The following CDK13 variants were observed in gnomAD, a reference collection of about 807,000 sequenced individuals.
The protein encoded by CDK13 is cyclin-dependent kinase 13.
In CDK13, 40 loss-of-function variants were observed where a neutral mutation model predicts 137.6. The observed-to-expected ratio is 0.29, with a 90% confidence interval of 0.23 to 0.38. The LOEUF (loss-of-function observed/expected upper bound fraction) is 0.38, where lower values mean the gene tolerates loss of function less well. Among genes scored for constraint, CDK13 ranks in the 10% least tolerant of loss-of-function variants. The pLI, the probability that CDK13 is intolerant of heterozygous loss-of-function variation, is 1.00. For synonymous variants in CDK13, 869 were observed against 760.1 expected, an observed-to-expected ratio of 1.14 and a Z score of -2.36; for missense variants, 1,704 against 1,951.8, an observed-to-expected ratio of 0.87 and a Z score of 2.39.
At chr7:40,067,438 G>C (rs1241507232) in intron 9 of CDK13, 2 of 152,420 alleles carry the variant, frequency 1.3e-5, no homozygotes, top group Non-Finnish European at 2.9e-5. Flanking sequence ...CAGCTCCTTG[G>C]GAGGCTGAGG....
chr7:40,029,988 G>T (rs1205047506), intron 5 of CDK13, among the ~76,000 whole-genome samples: 1 of 152,112 alleles, frequency 6.6e-6, no homozygotes, highest in African/African-American at 2.4e-5. Flanking sequence ...AGTGGATAAG[G>T]ACACTCAGGG....
At chr7:39,965,238 A>T (rs1198367099) in intron 1 of CDK13, among the ~76,000 whole-genome samples, 1 of 152,116 alleles carries the variant, frequency 6.6e-6, no homozygotes, top group Non-Finnish European at 1.5e-5. Context: ...AAAGTCTCCC[A>T]TTATTTTTGT....
chr7:40,022,703 A>T (rs953729424), intron 5 of CDK13, among the ~76,000 whole-genome samples: 1 of 151,192 alleles, frequency 6.6e-6, no homozygotes, highest in Non-Finnish European at 1.5e-5. Context: ...AAAGCAGAGT[A>T]GAGGAATGTC....
rs1281631847 is a variant in CDK13, at chr7:39,997,605, TTCA to T, written c.1984_1986del (p.Ser662del). On this transcript the variant is annotated inframe_deletion, in exon 3 of 14. Coordinates refer to ENST00000181839, the MANE Select transcript of CDK13 (RefSeq NM_003718.5). ...CTGAGCTACCAGGAGGAGATGATCT[TTCA>T]AAGAGTCCAGAGGAAAAGAAAACAG... 5 of 1,613,408 alleles carry T rather than the reference TTCA, an allele frequency of 3.1e-6. No individual in the cohort carries two copies. The highest frequency in any genetic ancestry group is 1.7e-4 in the Middle Eastern group (1 of 6,058).
At chr7:39,992,825 C>T (rs568170424) in intron 2 of CDK13, among the ~76,000 whole-genome samples, 35 of 152,122 alleles carry the variant, frequency 2.3e-4, no homozygotes, top group Admixed American at 2.0e-3. Context: ...CTGGAAATTA[C>T]TTGTGCTTTG....
At chr7:40,059,112 A>C (rs368500539) in intron 7 of CDK13, 1 of 152,194 alleles carries the variant, frequency 6.6e-6, no homozygotes, top group Non-Finnish European at 1.5e-5. Flanking sequence ...ATAAATTTTA[A>C]CTGAGATTAT....
At chr7:40,077,789 G>C (rs904568716) in intron 9 of CDK13, among the ~76,000 whole-genome samples, 2 of 152,180 alleles carry the variant, frequency 1.3e-5, no homozygotes, top group Non-Finnish European at 2.9e-5. Context: ...CCAGGAGGCA[G>C]AGATTGCAGT....
In CDK13 at chr7:40,086,740, ACAAG is replaced by A. The variant is rs200371750; in HGVS notation, c.3030-1381_3030-1378del. ...GTTTAATTCTAGAGCATTTGGATAG[ACAAG>A]CAAGTTAGTAAAAAGTAAGCTTTTA... On this transcript the variant is annotated intron_variant, in intron 11 of 13. Coordinates refer to ENST00000181839, the MANE Select transcript of CDK13 (RefSeq NM_003718.5). Among the ~76,000 whole-genome samples, 447 of 152,144 alleles carry A rather than the reference ACAAG, an allele frequency of 2.9e-3. 3 individuals carry two copies. Among genetic ancestry groups the A allele is most frequent in the African/African-American group, 0.01 (420 of 41,496 alleles).
intron 1 of CDK13, among the ~76,000 whole-genome samples, chr7:39,981,117 C>A (rs1784213692): frequency 1.3e-5 from 2 of 152,094 alleles, no homozygotes; most frequent in South Asian, 4.2e-4. Context: ...GTGGCTCATG[C>A]CTGTAACCCT....
intron 1 of CDK13, among the ~76,000 whole-genome samples, chr7:39,982,867 GT>G (rs1200727716): frequency 2.0e-5 from 3 of 152,072 alleles, no homozygotes; most frequent in Non-Finnish European, 4.4e-5. Flanking sequence ...GGGGTTGTTT[GT>G]TTTTTTCTTG....
At chr7:39,998,937 C>T (rs1784622126) in intron 3 of CDK13, 1 of 151,668 alleles carries the variant, frequency 6.6e-6, no homozygotes, top group Non-Finnish European at 1.5e-5. Context: ...GATTTTTGTT[C>T]ACATTCTTTA....
In CDK13 at chr7:40,094,590, T is replaced by C. The variant is rs913651445; in HGVS notation, c.4149T>C (p.Ala1383=). ...AGTCTTTGGATAACTACAGTACTGCTTCATCTCATTCTGGTGGTCCACCTC... is the reference window on the plus strand; with the variant it reads ...AGTCTTTGGATAACTACAGTACTGCCTCATCTCATTCTGGTGGTCCACCTC... The part of the protein sequence containing the change: ...DIQSLDNYST[A]SSHSGGPPQP... The change falls in exon 14 of 14, where the codon GCT becomes GCC. Residue 1383 remains alanine (A), a synonymous_variant. Coordinates refer to ENST00000181839, the MANE Select transcript of CDK13 (RefSeq NM_003718.5). The C allele has an allele frequency of 6.2e-7, 1 of 1,613,486 alleles. No homozygotes were observed. Among genetic ancestry groups the C allele is most frequent in the Admixed American group, 1.7e-5 (1 of 59,980 alleles).
intron 3 of CDK13, chr7:39,998,684 C>T (rs1181626848): frequency 2.0e-5 from 3 of 151,818 alleles, no homozygotes; most frequent in African/African-American, 7.3e-5. Context: ...TAGTTTTATT[C>T]TTTTACTTGA....
At chr7:39,972,918 G>A (rs1048953421) in intron 1 of CDK13, among the ~76,000 whole-genome samples, 1 of 152,084 alleles carries the variant, frequency 6.6e-6, no homozygotes. Flanking sequence ...ATTCATATCA[G>A]CAACATATGA....
At chr7:39,955,036 T>C (rs1787366682) in intron 1 of CDK13, among the ~76,000 whole-genome samples, 1 of 152,240 alleles carries the variant, frequency 6.6e-6, no homozygotes. Context: ...GCATTTCTTT[T>C]CATCAGTTCC....
chr7:40,078,582 T>C (rs1786596285), intron 10 of CDK13, 138 bp from the exon 11 acceptor site: 1 of 382,134 alleles, frequency 2.6e-6, no homozygotes, highest in Non-Finnish European at 4.3e-6. Context: ...TATGCACATA[T>C]TAAAAAAGTA....
At chr7:40,052,229 T>G (rs1446430275) in intron 7 of CDK13, among the ~76,000 whole-genome samples, 1 of 152,232 alleles carries the variant, frequency 6.6e-6, no homozygotes, top group Non-Finnish European at 1.5e-5. Flanking sequence ...CAAGCTGCAG[T>G]GCACTGGTGT....
Position 40,084,633 on chromosome 7 carries a change from A to G in CDK13, c.3030-3493A>G, listed in dbSNP as rs1229336772. ...AAAAGCATTAAGCCATTTATAAGAC[A>G]AAATATCAGTTGCCATTAGAATGAA... is the stretch of plus-strand genomic sequence containing the variant. On this transcript the variant is annotated intron_variant, in intron 11 of 13. Coordinates refer to ENST00000181839, the MANE Select transcript of CDK13 (RefSeq NM_003718.5). 6.6e-5 allele frequency among the ~76,000 whole-genome samples: 10 copies of G among 152,360 alleles called. No homozygotes were observed. The East Asian group carries it at 1.9e-3, about 29-fold the overall frequency.
chr7:40,060,055 T>A (rs960376784), intron 7 of CDK13, among the ~76,000 whole-genome samples: 5 of 152,208 alleles, frequency 3.3e-5, no homozygotes, highest in African/African-American at 1.2e-4. Flanking sequence ...TTTACTATTT[T>A]CACGTCTGAA....
Sources: allele counts gnomAD v4.1 joint callset (sites outside exome capture counted in the v4.1 genomes callset), GRCh38; gene constraint gnomAD v4.1.1; transcripts MANE v1.5; gene names NCBI Gene and HGNC (gene_info 2026-07-23, HGNC 2026-07-21).